Variants in GABRA3 observed in about 807,000 individuals in gnomAD.
GABRA3 encodes gamma-aminobutyric acid type A receptor subunit alpha3.
In GABRA3, 10 loss-of-function variants were observed where a neutral mutation model predicts 30.1. The observed-to-expected ratio is 0.33, with a 90% CI of 0.20 to 0.56. The LOEUF is 0.56. Among genes scored for constraint, GABRA3 ranks in the 20% least tolerant of loss-of-function variants. GABRA3 has a pLI of 0.89. For missense variants in GABRA3, 233 were observed against 392.0 expected (o/e 0.59, Z 3.42); for synonymous variants, 151 against 146.8 (o/e 1.03, Z -0.21).
intron 1 of GABRA3, among the ~76,000 whole-genome samples, chrX:152,406,571 A>G (rs1241139078): frequency 1.0e-5 from 1 of 95,585 alleles, no homozygotes; most frequent in Non-Finnish European, 2.1e-5. Context: ...CTAACACTGG[A>G]ATATATATAT....
chrX:152,188,918 A>G (rs1937289361), intron 9 of GABRA3, among the ~76,000 whole-genome samples: 1 of 111,899 alleles, frequency 8.9e-6, no homozygotes, highest in Non-Finnish European at 1.9e-5. Context: ...GCCAGGGACA[A>G]CAATCTTAAT....
At chrX:152,374,522 T>C (rs1441752748) in intron 1 of GABRA3, among the ~76,000 whole-genome samples, 2 of 109,104 alleles carry the variant, frequency 1.8e-5, no homozygotes, top group Non-Finnish European at 1.9e-5. Context: ...GGCTGATTTT[T>C]CGTATTTTTA....
intron 1 of GABRA3, among the ~76,000 whole-genome samples, chrX:152,446,788 C>G (rs1931098419): frequency 8.9e-6 from 1 of 111,740 alleles, no homozygotes; most frequent in South Asian, 3.7e-4. Flanking sequence ...TTTGCTCATC[C>G]ACAAAATGAG....
intron 9 of GABRA3, among the ~76,000 whole-genome samples, chrX:152,181,790 G>T (rs770448036): frequency 5.1e-4 from 55 of 107,075 alleles, no homozygotes; most frequent in African/African-American, 1.7e-3. Flanking sequence ...CCTGCACATT[G>T]TGCACATGTA....
intron 1 of GABRA3, among the ~76,000 whole-genome samples, chrX:152,375,649 C>T (rs1381004098): frequency 2.7e-5 from 3 of 111,972 alleles, no homozygotes; most frequent in Non-Finnish European, 5.6e-5. Flanking sequence ...TGTCTAGAAA[C>T]CCTATTTGGG....
chrX:152,255,734 T>G, intron 5 of GABRA3, 44 bp downstream of exon 5: 1 of 1,102,317 alleles, frequency 9.1e-7, no homozygotes, highest in Non-Finnish European at 1.3e-6. Context: ...TCAAGCCCAG[T>G]CCTACTCCCA....
chrX:152,416,555 G>A (rs1179275122), intron 1 of GABRA3, among the ~76,000 whole-genome samples: 17 of 110,008 alleles, frequency 1.5e-4, no homozygotes, highest in Admixed American at 6.8e-4. Flanking sequence ...AAAAGAGCCC[G>A]CATCGCCAAG....
At chrX:152,181,712 C>T (rs1208996682) in intron 9 of GABRA3, among the ~76,000 whole-genome samples, 1 of 109,723 alleles carries the variant, frequency 9.1e-6, no homozygotes, top group Admixed American at 9.8e-5. Context: ...AGGAGATATA[C>T]CTAATGCTAA....
At chrX:152,289,673 C>CA (rs1367150488) in intron 3 of GABRA3, among the ~76,000 whole-genome samples, 1 of 110,338 alleles carries the variant, frequency 9.1e-6, no homozygotes, top group Non-Finnish European at 1.9e-5. Flanking sequence ...CCCTGCCCCC[C>CA]ACCCCACGAC....
intron 9 of GABRA3, among the ~76,000 whole-genome samples, chrX:152,182,603 T>TAC (rs1481009306): frequency 1.7e-4 from 2 of 11,448 alleles, no homozygotes; most frequent in Non-Finnish European, 3.0e-4. Flanking sequence ...ACACTATATA[T>TAC]ACTATATATG....
intron 1 of GABRA3, among the ~76,000 whole-genome samples, chrX:152,450,203 C>T (rs1304645916): frequency 9.1e-6 from 1 of 110,111 alleles, no homozygotes; most frequent in East Asian, 2.9e-4. Context: ...TACCTCATCA[C>T]CCTGCTTTCC....
At chrX:152,342,046 T>C (rs1015185588) in intron 3 of GABRA3, among the ~76,000 whole-genome samples, 1 of 111,304 alleles carries the variant, frequency 9.0e-6, no homozygotes, top group Non-Finnish European at 1.9e-5. Flanking sequence ...CTAATTTTTG[T>C]ATTTTTAGTA....
At chrX:152,273,443 A>C (rs761863614) in intron 4 of GABRA3, among the ~76,000 whole-genome samples, 1 of 112,433 alleles carries the variant, frequency 8.9e-6, no homozygotes, top group Non-Finnish European at 1.9e-5. Context: ...CTGGGTACAT[A>C]TCAAAAAGAA....
At chrX:152,291,030 G>T (rs55755201) in intron 3 of GABRA3, among the ~76,000 whole-genome samples, 12,023 of 111,091 alleles carry the variant, frequency 0.11, 527 homozygotes, top group African/African-American at 0.13. Flanking sequence ...CTTTAAAGTA[G>T]TTTTTTTCCA....
At chrX:152,361,213 A>G (rs1928491995) in intron 2 of GABRA3, among the ~76,000 whole-genome samples, 1 of 110,336 alleles carries the variant, frequency 9.1e-6, no homozygotes, top group South Asian at 3.9e-4. Flanking sequence ...CTACTCCTTG[A>G]CATAATTACT....
intron 4 of GABRA3, among the ~76,000 whole-genome samples, chrX:152,258,665 C>T (rs1486607495): frequency 1.8e-5 from 2 of 111,454 alleles, no homozygotes; most frequent in African/African-American, 6.5e-5. Context: ...TTTAAAATTG[C>T]AAAACAGAAA....
At chrX:152,414,373 G>C (rs1273097400) in intron 1 of GABRA3, among the ~76,000 whole-genome samples, 1 of 111,411 alleles carries the variant, frequency 9.0e-6, no homozygotes, top group Non-Finnish European at 1.9e-5. Context: ...ATCATGCTTA[G>C]TCAAAGTGTC....
At chrX:152,232,624 T>G (rs1332819852) in intron 5 of GABRA3, among the ~76,000 whole-genome samples, 1 of 88,712 alleles carries the variant, frequency 1.1e-5, no homozygotes, top group Non-Finnish European at 2.0e-5. Flanking sequence ...AGTGTTCTAT[T>G]GTGTGTGTGT....
chrX:152,339,367 C>T (rs1043667568), intron 3 of GABRA3, among the ~76,000 whole-genome samples: 3 of 108,999 alleles, frequency 2.8e-5, no homozygotes, highest in East Asian at 2.9e-4. Context: ...AGCTGGGACA[C>T]GCCACCACGC....
Sources: gnomAD v4.1 joint callset for allele counts (sites outside exome capture counted in the v4.1 genomes callset) on GRCh38, gnomAD v4.1.1 for gene constraint, MANE v1.5 for transcripts, NCBI Gene and HGNC (gene_info 2026-07-23, HGNC 2026-07-21) for gene names.